Variants in RPS6KA2 observed in about 807,000 individuals in gnomAD.
The protein encoded by RPS6KA2 is ribosomal protein S6 kinase alpha-2.
A neutral mutation model predicts 91.8 loss-of-function variants in RPS6KA2; 42 were observed. That is an observed-to-expected ratio of 0.46 (90% CI 0.36 to 0.59). The LOEUF is 0.59. Among genes scored for constraint, RPS6KA2 ranks in the 20% least tolerant of loss-of-function variants. The probability of loss-of-function intolerance (pLI) is 0.00; values close to 1 mark genes in which losing one functional copy is unlikely to be tolerated. For synonymous variants in RPS6KA2, 414 were observed against 393.6 expected (o/e 1.05, Z -0.61); for missense variants, 798 against 978.5 (o/e 0.82, Z 2.46).
chr6:166,784,758 T>C (rs907802560), intron 2 of RPS6KA2, among the ~76,000 whole-genome samples: 2 of 151,838 alleles, frequency 1.3e-5, no homozygotes, highest in African/African-American at 4.9e-5. Context: ...TATATACCTA[T>C]GTATGCATGT....
intron 1 of RPS6KA2, among the ~76,000 whole-genome samples, chr6:166,619,563 AC>A (rs1378790594): frequency 2.6e-5 from 4 of 152,148 alleles, no homozygotes; most frequent in African/African-American, 7.2e-5. Context: ...GCAGGAGCTG[AC>A]GGCCATGTGG....
At position 166,647,076 on chromosome 6, in the gene RPS6KA2, A is replaced by G. The variant is rs118013843; in HGVS notation, c.124-108292T>C. ...CTGCCAGGGAAGAATTATTCCACAAATATCTGTATATCAGTATGTGCCAGA... is the reference window on the plus strand; with the variant it reads ...CTGCCAGGGAAGAATTATTCCACAAGTATCTGTATATCAGTATGTGCCAGA... On this transcript the variant is annotated intron_variant, in intron 2 of 21. Coordinates refer to the RPS6KA2 transcript ENST00000503859. Among the ~76,000 whole-genome samples the G allele has an allele frequency of 1.4e-4, 22 of 152,256 alleles. No homozygotes were observed. The East Asian group carries it at 3.3e-3, about 23-fold the overall frequency.
intron 2 of RPS6KA2, among the ~76,000 whole-genome samples, chr6:166,833,962 G>A (rs1335559788): frequency 1.3e-5 from 2 of 151,312 alleles, no homozygotes; most frequent in Non-Finnish European, 1.5e-5. Context: ...TCAAACTCCT[G>A]GCCTCAAGTG....
At chr6:166,421,772 G>A (rs535413585) in intron 17 of RPS6KA2, among the ~76,000 whole-genome samples, 1 of 152,096 alleles carries the variant, frequency 6.6e-6, no homozygotes, top group South Asian at 2.1e-4. Context: ...TTGTTACAGG[G>A]GTCTGGTCCA....
intron 11 of RPS6KA2, among the ~76,000 whole-genome samples, chr6:166,461,769 G>A (rs372108473): frequency 1.8e-4 from 27 of 152,280 alleles, no homozygotes; most frequent in Non-Finnish European, 2.8e-4. Flanking sequence ...GTTTACCTCC[G>A]GAAAGCAGGG....
rs1778335259 is a variant in RPS6KA2, at chr6:166,767,245, A to G, written c.123+90955T>C. ...TCACCTCCCCATGAGCAACGCCATC[A>G]AAAAGCAAAATACAACTGCGACTAC... On this transcript the variant is annotated intron_variant, in intron 2 of 21. Coordinates refer to the RPS6KA2 transcript ENST00000503859. The surrounding 1 kb of genome is among the most constrained non-coding windows in gnomAD (Gnocchi z 4.6). Among the ~76,000 whole-genome samples, 1 of 152,220 alleles carries G rather than the reference A, an allele frequency of 6.6e-6. No individual in the cohort carries two copies. Among genetic ancestry groups the G allele is most frequent in the Non-Finnish European group, 1.5e-5 (1 of 68,048 alleles).
chr6:166,496,879 C>T (rs540425909), intron 8 of RPS6KA2, among the ~76,000 whole-genome samples: 68 of 152,314 alleles, frequency 4.5e-4, no homozygotes, highest in African/African-American at 1.6e-3. Flanking sequence ...ACCCATAGCC[C>T]AGCGTCAGCA....
chr6:166,660,919 G>T (rs774237429), intron 2 of RPS6KA2, among the ~76,000 whole-genome samples: 3 of 152,032 alleles, frequency 2.0e-5, no homozygotes, highest in Admixed American at 2.0e-4. Flanking sequence ...CTTAAAATGC[G>T]TTCCTGCAAA....
Position 166,661,628 on chromosome 6 carries a change from TTTA to T in RPS6KA2, c.124-122847_124-122845del, listed in dbSNP as rs781613041. On this transcript the variant is annotated intron_variant, in intron 2 of 21. Coordinates refer to the RPS6KA2 transcript ENST00000503859. ...CTATATAATAAATATAAAATCTACA[TTTA>T]TATTTTCTAGTCTATTTGCCTTATC... is the stretch of plus-strand genomic sequence containing the variant. Among the ~76,000 whole-genome samples the T allele has an allele frequency of 3.3e-5, 5 of 152,098 alleles. No individual in the cohort carries two copies. The East Asian group carries it at 9.6e-4, about 29-fold the overall frequency.
chr6:166,467,007 CTCAT>C lies in RPS6KA2; in HGVS notation c.972+2830_972+2833del, dbSNP rs375861980. On this transcript the variant is annotated intron_variant, in intron 11 of 20. Coordinates refer to ENST00000265678, the MANE Select transcript of RPS6KA2 (RefSeq NM_021135.6). ...ACTCATTAACTCACTCACTCCTTTA[CTCAT>C]TCATTCACTCATTCATTCACTTCCT... 2.5e-3 allele frequency among the ~76,000 whole-genome samples: 383 copies of C among 152,204 alleles called. 4 individuals are homozygous for C. The highest frequency in any genetic ancestry group is 8.4e-3 in the African/African-American group (347 of 41,522).
At chr6:166,528,310 A>C (rs1042633010) in intron 3 of RPS6KA2, among the ~76,000 whole-genome samples, 1 of 152,180 alleles carries the variant, frequency 6.6e-6, no homozygotes, top group Non-Finnish European at 1.5e-5. Flanking sequence ...CAAAAACAAG[A>C]AATGGGGAAA....
At chr6:166,758,492 G>A (rs1222299009) in intron 2 of RPS6KA2, among the ~76,000 whole-genome samples, 1 of 152,194 alleles carries the variant, frequency 6.6e-6, no homozygotes, top group Non-Finnish European at 1.5e-5. Flanking sequence ...AGCGTCCAGG[G>A]CTCCGTGTGA....
At chr6:166,709,161 A>G (rs1789775435) in intron 2 of RPS6KA2, among the ~76,000 whole-genome samples, 1 of 151,932 alleles carries the variant, frequency 6.6e-6, no homozygotes, top group African/African-American at 2.4e-5. Flanking sequence ...AGTTCATCTC[A>G]CCTCTGCTTC....
At chr6:166,670,773 A>C (rs78085146) in intron 2 of RPS6KA2, among the ~76,000 whole-genome samples, 2,049 of 152,306 alleles carry the variant, frequency 0.013, 97 homozygotes, top group South Asian at 0.13. Context: ...TCTACTCTTA[A>C]GGCTACCCTC....
intron 11 of RPS6KA2, among the ~76,000 whole-genome samples, chr6:166,468,857 A>G (rs1398704594): frequency 6.2e-5 from 2 of 32,252 alleles, no homozygotes; most frequent in South Asian, 9.7e-4. Flanking sequence ...GAGCGAGACT[A>G]AAAAAAAAAA....
chr6:166,504,436 C>T, intron 6 of RPS6KA2, 70 bp downstream of exon 6: 1 of 902,210 alleles, frequency 1.1e-6, no homozygotes, highest in Non-Finnish European at 1.8e-6. Context: ...CAGTGGCTAC[C>T]AACATGGGCC....
At chr6:166,504,666 C>G (rs1193432601) in intron 5 of RPS6KA2, 54 bp from the exon 6 acceptor site, 7 of 1,316,146 alleles carry the variant, frequency 5.3e-6, no homozygotes, top group Non-Finnish European at 7.6e-6. Flanking sequence ...TGTTTTATGG[C>G]TGGTGTGTTT....
intron 10 of RPS6KA2, among the ~76,000 whole-genome samples, chr6:166,470,931 C>T (rs1022558310): frequency 4.6e-5 from 7 of 152,230 alleles, no homozygotes; most frequent in Non-Finnish European, 8.8e-5. Flanking sequence ...GGAGCCCATC[C>T]TCCCGGGTCA....
chr6:166,538,498 C>T (rs1467714195), intron 2 of RPS6KA2, among the ~76,000 whole-genome samples, 170 bp downstream of exon 2: 2 of 152,140 alleles, frequency 1.3e-5, no homozygotes, highest in Admixed American at 6.5e-5. Context: ...AGCCCTGTGC[C>T]ACTGGAATTC....
Sources: allele counts gnomAD v4.1 joint callset (sites outside exome capture counted in the v4.1 genomes callset), GRCh38; gene constraint gnomAD v4.1.1; non-coding constraint Gnocchi (gnomAD v3.1); transcripts MANE v1.5; gene names NCBI Gene and HGNC (gene_info 2026-07-23, HGNC 2026-07-21).